Variants in CORO1C observed in about 807,000 individuals in gnomAD.
CORO1C encodes the protein coronin 1C.
Under a neutral mutation model 51.2 loss-of-function variants are expected in CORO1C, and 14 were observed. The observed-to-expected ratio is 0.27, with a 90% CI of 0.18 to 0.43. The LOEUF is 0.43. Ranked by LOEUF, CORO1C falls within the 20% of genes least tolerant of loss-of-function variation. CORO1C has a pLI of 1.00. For missense variants in CORO1C, 417 were observed against 607.8 expected (o/e 0.69, Z 3.30); for synonymous variants, 181 against 210.5 (o/e 0.86, Z 1.21).
chr12:108,678,577 AT>A (rs2136833330), intron 2 of CORO1C, among the ~76,000 whole-genome samples, 183 bp from the exon 3 acceptor site: 1 of 152,322 alleles, frequency 6.6e-6, no homozygotes, highest in Non-Finnish European at 1.5e-5. Context: ...ATGCGATCAA[AT>A]TACAAGAATC....
At chr12:108,689,768 G>GA (rs1181562620) in intron 2 of CORO1C, among the ~76,000 whole-genome samples, 1 of 152,076 alleles carries the variant, frequency 6.6e-6, no homozygotes, top group African/African-American at 2.4e-5. Context: ...TTCATTTTAG[G>GA]AAAAAATGAG....
At chr12:108,707,414 G>A (rs1294530397) in intron 1 of CORO1C, among the ~76,000 whole-genome samples, 6 of 152,294 alleles carry the variant, frequency 3.9e-5, no homozygotes, top group Admixed American at 6.5e-5. Context: ...TTCAACAAGA[G>A]TGCCAAGACA....
At chr12:108,656,706 A>T (rs1000943466) in intron 6 of CORO1C, among the ~76,000 whole-genome samples, 1 of 152,228 alleles carries the variant, frequency 6.6e-6, no homozygotes, top group African/African-American at 2.4e-5. Flanking sequence ...GTGTACTAAG[A>T]AAAATTCTTC....
chr12:108,657,272 G>T, intron 6 of CORO1C, 32 bp downstream of exon 6: 1 of 1,606,646 alleles, frequency 6.2e-7, no homozygotes, highest in Non-Finnish European at 8.5e-7. Context: ...AAGCTCAAGT[G>T]AAAGCAAGTG....
chr12:108,706,701 T>A (rs1340411556), intron 1 of CORO1C, among the ~76,000 whole-genome samples: 1 of 152,134 alleles, frequency 6.6e-6, no homozygotes, highest in Non-Finnish European at 1.5e-5. Flanking sequence ...TTCAAGCGAT[T>A]CTCCTGTCTC....
At chr12:108,697,392 C>T (rs1181074983) in intron 2 of CORO1C, among the ~76,000 whole-genome samples, 1 of 152,194 alleles carries the variant, frequency 6.6e-6, no homozygotes, top group Non-Finnish European at 1.5e-5. Context: ...TTTTAAGGTT[C>T]GTGTTTAAAA....
chr12:108,655,840 C>T (rs2032940349), intron 6 of CORO1C, among the ~76,000 whole-genome samples: 1 of 151,996 alleles, frequency 6.6e-6, no homozygotes, highest in African/African-American at 2.4e-5. Context: ...CCTGGCCGCC[C>T]ATCGTCTGGG....
chr12:108,726,876 C>T (rs1253997555), intron 1 of CORO1C, among the ~76,000 whole-genome samples: 2 of 152,066 alleles, frequency 1.3e-5, no homozygotes, highest in African/African-American at 2.4e-5. Context: ...AGAACCTGGA[C>T]GAGAATGTTC....
At chr12:108,650,440 A>G (rs946010133) in intron 8 of CORO1C, among the ~76,000 whole-genome samples, 1 of 152,290 alleles carries the variant, frequency 6.6e-6, no homozygotes, top group East Asian at 1.9e-4. Flanking sequence ...TTGGCCTCCC[A>G]AAGTGTTGGG....
At chr12:108,652,854 A>G (rs2032744195) in intron 7 of CORO1C, among the ~76,000 whole-genome samples, 1 of 27,750 alleles carries the variant, frequency 3.6e-5, no homozygotes, top group Non-Finnish European at 6.0e-5. Context: ...TTATGCCAGT[A>G]TGATGATAAA....
intron 7 of CORO1C, among the ~76,000 whole-genome samples, chr12:108,654,070 C>T (rs2032815377): frequency 6.6e-6 from 1 of 152,182 alleles, no homozygotes; most frequent in South Asian, 2.1e-4. Context: ...CCCAGCCCAA[C>T]CTCTGCTTCA....
intron 2 of CORO1C, among the ~76,000 whole-genome samples, chr12:108,681,410 T>C (rs2034119369): frequency 6.6e-6 from 1 of 152,204 alleles, no homozygotes; most frequent in South Asian, 2.1e-4. Flanking sequence ...ATTCATATCC[T>C]AGTGCAATTT....
chr12:108,682,138 C>T (rs2034145302), intron 2 of CORO1C, among the ~76,000 whole-genome samples: 2 of 151,006 alleles, frequency 1.3e-5, no homozygotes, highest in African/African-American at 4.9e-5. Flanking sequence ...AAAAAAAGGA[C>T]CAAAGAAAGT....
chr12:108,731,347 G>T lies in CORO1C; in HGVS notation c.-6+82C>A, dbSNP rs948306343. 1 of 152,792 alleles carries T rather than the reference G, an allele frequency of 6.5e-6. No individual in the cohort carries two copies. Among genetic ancestry groups the T allele is most frequent in the Non-Finnish European group, 1.5e-5 (1 of 68,612 alleles). 9.5% of individuals were successfully genotyped at this position (152,792 alleles called of 1,614,324 possible). A position where few individuals can be genotyped will look rare whatever the true frequency, so the allele number is the denominator to read the frequency against. ...CCCTCGCCCCGCCGGCTCCTGTCAG[G>T]CGGCGCAGGCACATGCTCAGAGGAC... is the stretch of plus-strand genomic sequence containing the variant. On this transcript the variant is annotated intron_variant, in intron 1 of 10. Coordinates refer to ENST00000261401, the MANE Select transcript of CORO1C (RefSeq NM_014325.4). The surrounding 1 kb of genome is among the most constrained non-coding windows in gnomAD (Gnocchi z 5.2).
At chr12:108,718,347 G>A (rs1006224660) in intron 1 of CORO1C, among the ~76,000 whole-genome samples, 2 of 147,708 alleles carry the variant, frequency 1.4e-5, no homozygotes, top group African/African-American at 5.0e-5. Flanking sequence ...CAGCCTGGGC[G>A]ACAAGAGTGA....
chr12:108,691,520 T>A (rs2034494133), intron 2 of CORO1C, among the ~76,000 whole-genome samples: 1 of 152,242 alleles, frequency 6.6e-6, no homozygotes, highest in African/African-American at 2.4e-5. Flanking sequence ...ATTGTCAGCC[T>A]GCTTAGCACA....
intron 2 of CORO1C, among the ~76,000 whole-genome samples, chr12:108,698,046 T>A (rs1338630280): frequency 6.6e-6 from 1 of 152,076 alleles, no homozygotes; most frequent in Admixed American, 6.6e-5. Context: ...GCATCTCAGG[T>A]AGGAACAGCA....
chr12:108,673,719 C>T (rs1392309280), intron 3 of CORO1C, among the ~76,000 whole-genome samples: 1 of 152,014 alleles, frequency 6.6e-6, no homozygotes, highest in Non-Finnish European at 1.5e-5. Context: ...ATTTACCGCA[C>T]CAAAAATCCT....
At chr12:108,696,079 G>GA (rs2034671245) in intron 2 of CORO1C, among the ~76,000 whole-genome samples, 1 of 152,130 alleles carries the variant, frequency 6.6e-6, no homozygotes, top group African/African-American at 2.4e-5. Flanking sequence ...GCCCATGGGA[G>GA]AGAAGAAGAG....
Sources: allele counts gnomAD v4.1 joint callset (sites outside exome capture counted in the v4.1 genomes callset), GRCh38; gene constraint gnomAD v4.1.1; non-coding constraint Gnocchi (gnomAD v3.1); transcripts MANE v1.5; gene names NCBI Gene and HGNC (gene_info 2026-07-23, HGNC 2026-07-21).